The following WDR11 variants were observed in gnomAD, a reference collection of about 807,000 sequenced individuals.
WDR11 encodes WD repeat domain 11, also known as WD repeat-containing protein 11.
In WDR11, 83 loss-of-function variants were observed where a neutral mutation model predicts 151.2. That is an observed-to-expected ratio of 0.55 (90% confidence interval 0.46 to 0.66). WDR11 has a LOEUF of 0.66. Ranked by LOEUF, WDR11 falls within the 30% of genes least tolerant of loss-of-function variation. The pLI, the probability that WDR11 is intolerant of heterozygous loss-of-function variation, is 0.00. For synonymous variants in WDR11, 484 were observed against 533.1 expected, an observed-to-expected ratio of 0.91 and a Z score of 1.27; for missense variants, 1,301 against 1,480.9, an observed-to-expected ratio of 0.88 and a Z score of 1.99.
At chr10:120,902,092 C>T (rs1296676093) in intron 21 of WDR11, among the ~76,000 whole-genome samples, 165 bp from the exon 22 acceptor site, 20 of 152,240 alleles carry the variant, frequency 1.3e-4, no homozygotes, top group Non-Finnish European at 1.5e-5. Context: ...CAGCCCCCTT[C>T]AACTTTTATA....
At chr10:120,880,142 T>C (rs1846946128) in intron 12 of WDR11, 1 of 152,204 alleles carries the variant, frequency 6.6e-6, no homozygotes, top group South Asian at 2.1e-4. Context: ...TATTAAATAT[T>C]ACTTTAAATA....
intron 2 of WDR11, among the ~76,000 whole-genome samples, chr10:120,854,052 C>A (rs992794281): frequency 6.6e-5 from 10 of 152,182 alleles, no homozygotes; most frequent in Middle Eastern, 3.4e-3. Context: ...ATACTCATAC[C>A]ATAAAATGTA....
intron 19 of WDR11, among the ~76,000 whole-genome samples, chr10:120,898,452 C>T (rs1289951960): frequency 6.6e-6 from 1 of 152,162 alleles, no homozygotes; most frequent in Non-Finnish European, 1.5e-5. Context: ...ATTATACTAG[C>T]CATATGTTAA....
intron 17 of WDR11, chr10:120,889,533 C>T: frequency 5.0e-6 from 2 of 397,140 alleles, no homozygotes; most frequent in Non-Finnish European, 9.4e-6. Context: ...AGCCAGCACA[C>T]CCGGCCAAAA....
chr10:120,891,308 T>G (rs1847422224), intron 19 of WDR11, among the ~76,000 whole-genome samples: 1 of 152,194 alleles, frequency 6.6e-6, no homozygotes, highest in South Asian at 2.1e-4. Context: ...GTGTTCTGAG[T>G]ATTATGAATT....
chr10:120,897,525 A>G (rs930825933), intron 19 of WDR11, among the ~76,000 whole-genome samples: 1 of 152,190 alleles, frequency 6.6e-6, no homozygotes, highest in African/African-American at 2.4e-5. Flanking sequence ...GACAGCTAAC[A>G]TGTTCCTTCT....
chr10:120,908,993 CTTTTTAAT>C lies in WDR11; in HGVS notation c.*286_*293del, dbSNP rs1216894571. On this transcript the variant is annotated 3_prime_UTR_variant, in exon 29 of 29. Transcript: ENST00000263461. ...AGAGCTTTAAGAGTCCCTGGAAATA[CTTTTTAAT>C]TTTTTTAACTTAAAATTCAAGAGAC... is the stretch of plus-strand genomic sequence containing the variant. 2.5e-6 allele frequency: 1 copy of C among 400,708 alleles called. No homozygotes were observed. Among genetic ancestry groups the C allele is most frequent in the African/African-American group, 2.0e-5 (1 of 49,804 alleles). The allele number at this position is 400,708 out of a possible 1,614,324, so 24.8% of individuals were successfully genotyped here.
chr10:120,864,942 T>A, intron 5 of WDR11, 105 bp from the exon 6 acceptor site: 1 of 1,367,864 alleles, frequency 7.3e-7, no homozygotes, highest in Admixed American at 1.8e-5. Flanking sequence ...GGAATAGTTG[T>A]ACATTTTTAT....
Position 120,883,438 on chromosome 10 carries a change from A to G in WDR11, c.1740-342A>G, listed in dbSNP as rs7921767. 0.37 allele frequency among the ~76,000 whole-genome samples: 56,548 copies of G among 151,920 alleles called. 10,615 individuals are homozygous for G. Among genetic ancestry groups the G allele is most frequent in the Admixed American group, 0.44 (6,701 of 15,254 alleles). ...TCATTGAATGTTTACCATAATCTGT[A>G]TATCAATTAATTGAGGTACATGATG... On this transcript the variant is annotated intron_variant, in intron 13 of 28. Transcript: ENST00000263461.
At chr10:120,892,154 G>C (rs1847448828) in intron 19 of WDR11, among the ~76,000 whole-genome samples, 1 of 152,176 alleles carries the variant, frequency 6.6e-6, no homozygotes, top group East Asian at 1.9e-4. Flanking sequence ...AATCTAAAAA[G>C]CTCCAAAGTC....
intron 21 of WDR11, 60 bp downstream of exon 21, chr10:120,901,158 T>C (rs1372064168): frequency 8.8e-6 from 12 of 1,364,520 alleles, no homozygotes; most frequent in Non-Finnish European, 1.3e-5. Flanking sequence ...GCAATTCAAC[T>C]TTAAATGCAA....
At chr10:120,872,894 G>A (rs914236235) in intron 10 of WDR11, among the ~76,000 whole-genome samples, 2 of 152,098 alleles carry the variant, frequency 1.3e-5, no homozygotes, top group Admixed American at 1.3e-4. Flanking sequence ...ATTGGAATTT[G>A]CCCAGCATTT....
intron 14 of WDR11, chr10:120,885,271 GTATATA>G (rs148015588): frequency 0.11 from 16,819 of 146,510 alleles, 1,070 homozygotes; most frequent in African/African-American, 0.18. Context: ...ACAGGATGAA[GTATATA>G]TATATATATA....
At chr10:120,880,700 G>T in intron 12 of WDR11, 126 bp from the exon 13 acceptor site, 1 of 834,288 alleles carries the variant, frequency 1.2e-6, no homozygotes. Context: ...AGAAGCAAAT[G>T]GAAGAATGAA....
In WDR11 at chr10:120,898,021, T is replaced by C. The variant is rs181438127; in HGVS notation, c.2516-2008T>C. On this transcript the variant is annotated intron_variant, in intron 19 of 28. Coordinates refer to ENST00000263461, the MANE Select transcript of WDR11 (RefSeq NM_018117.12). The stretch of plus-strand genomic sequence containing the variant: ...AGAATAAAGTTTTCTAAAGCAGAGT[T>C]TTCCAATAGAAACATAATGTGAGCC... 7.9e-5 allele frequency among the ~76,000 whole-genome samples: 12 copies of C among 152,330 alleles called. No homozygotes were observed. The East Asian group carries it at 2.1e-3, about 27-fold the overall frequency.
At chr10:120,887,072 G>C (rs955744978) in intron 16 of WDR11, among the ~76,000 whole-genome samples, 1 of 152,142 alleles carries the variant, frequency 6.6e-6, no homozygotes, top group Non-Finnish European at 1.5e-5. Flanking sequence ...TCCATGAGGA[G>C]TTATCTCCAT....
At chr10:120,865,296 T>C in intron 6 of WDR11, 84 bp downstream of exon 6, 1 of 1,336,104 alleles carries the variant, frequency 7.5e-7, no homozygotes. Context: ...ATAAGTCTTG[T>C]CTTCAGTTCT....
At chr10:120,881,390 A>G (rs914949243) in intron 13 of WDR11, among the ~76,000 whole-genome samples, 1 of 152,168 alleles carries the variant, frequency 6.6e-6, no homozygotes, top group Non-Finnish European at 1.5e-5. Context: ...TTGCATTTCC[A>G]TATAAATTTT....
intron 11 of WDR11, among the ~76,000 whole-genome samples, chr10:120,874,235 T>A (rs1467802097): frequency 7.3e-5 from 10 of 137,650 alleles, no homozygotes; most frequent in Non-Finnish European, 1.1e-4. Context: ...TTGTTTTTTT[T>A]AAATGGCAAA....
Sources: allele counts gnomAD v4.1 joint callset (sites outside exome capture counted in the v4.1 genomes callset), GRCh38; gene constraint gnomAD v4.1.1; transcripts MANE v1.5; gene names NCBI Gene and HGNC (gene_info 2026-07-23, HGNC 2026-07-21).